TNIK: variants seen among roughly 807,000 people sequenced by gnomAD.
TNIK encodes the protein TRAF2 and NCK-interacting protein kinase.
TNIK carries 49 observed loss-of-function variants against 191.3 expected under a neutral mutation model. The observed-to-expected ratio is 0.26, with a 90% CI of 0.20 to 0.32. TNIK has a LOEUF of 0.32. Ranked by LOEUF, TNIK falls within the 10% of genes least tolerant of loss-of-function variation. The probability of loss-of-function intolerance (pLI) is 1.00; values close to 1 mark genes in which losing one functional copy is unlikely to be tolerated. For synonymous variants in TNIK, 594 were observed against 600.9 expected (o/e 0.99, Z 0.17); for missense variants, 1,155 against 1,702.3 (o/e 0.68, Z 5.66).
intron 1 of TNIK, among the ~76,000 whole-genome samples, chr3:171,431,987 A>C (rs1725442959): frequency 6.6e-6 from 1 of 152,238 alleles, no homozygotes; most frequent in Non-Finnish European, 1.5e-5. Context: ...TATCTTGACA[A>C]CTCAGAAGAA....
intron 23 of TNIK, among the ~76,000 whole-genome samples, chr3:171,090,331 A>G (rs887308289): frequency 2.0e-5 from 3 of 152,054 alleles, no homozygotes; most frequent in African/African-American, 7.2e-5. Context: ...GGTTCCTTCC[A>G]TGAAATACCC....
At chr3:171,101,424 T>A in intron 22 of TNIK, 25 bp downstream of exon 22, 1 of 1,577,912 alleles carries the variant, frequency 6.3e-7, no homozygotes, top group Non-Finnish European at 8.6e-7. Context: ...CCTCCCGGTC[T>A]ACACTTTAAA....
At chr3:171,324,455 G>T (rs1755522919) in intron 2 of TNIK, among the ~76,000 whole-genome samples, 1 of 152,096 alleles carries the variant, frequency 6.6e-6, no homozygotes, top group Non-Finnish European at 1.5e-5. Flanking sequence ...GCTGCTACTA[G>T]GTTTCTGTTA....
chr3:171,079,978 A>G (rs759841669), intron 27 of TNIK, among the ~76,000 whole-genome samples: 22 of 152,216 alleles, frequency 1.4e-4, no homozygotes, highest in Non-Finnish European at 3.2e-4. Flanking sequence ...ACTCTTCAAC[A>G]GAGTGATCAG....
intron 22 of TNIK, among the ~76,000 whole-genome samples, chr3:171,094,415 C>T (rs988276863): frequency 1.3e-5 from 2 of 152,108 alleles, no homozygotes; most frequent in Non-Finnish European, 2.9e-5. Context: ...GGATTATAGG[C>T]GTGAGCCACC....
chr3:171,424,850 G>T lies in TNIK; in HGVS notation c.57+35157C>A, dbSNP rs1171175623. 3.3e-4 allele frequency among the ~76,000 whole-genome samples: 40 copies of T among 122,016 alleles called. No individual in the cohort carries two copies. In the Admixed American group the frequency reaches 3.9e-3, roughly 12 times the overall value. The allele number at this position is 122,016 out of a possible 152,430, so 80.0% of individuals were successfully genotyped here. On this transcript the variant is annotated intron_variant, in intron 1 of 32. Transcript: ENST00000436636. ...GACTGTTGTGGGGTGGGGGGAGGGG[G>T]GAGGGATAGCATTAGGAGATACACC...
chr3:171,403,225 C>T (rs370741267), intron 1 of TNIK, among the ~76,000 whole-genome samples: 5 of 152,118 alleles, frequency 3.3e-5, no homozygotes, highest in Non-Finnish European at 4.4e-5. Context: ...TGGCTAAATA[C>T]GTTAAAGAGA....
intron 28 of TNIK, among the ~76,000 whole-genome samples, chr3:171,076,225 T>C (rs916483620): frequency 1.4e-4 from 22 of 152,124 alleles, no homozygotes; most frequent in African/African-American, 5.3e-4. Context: ...CTTCCTAATA[T>C]TGTGTCAAGG....
chr3:171,412,934 G>C (rs950519325), intron 1 of TNIK, among the ~76,000 whole-genome samples: 3 of 152,184 alleles, frequency 2.0e-5, no homozygotes, highest in African/African-American at 7.2e-5. Context: ...ACAAGAATGG[G>C]AAGGAAACCT....
At chr3:171,388,147 A>G (rs779712846) in intron 1 of TNIK, among the ~76,000 whole-genome samples, 28 of 152,226 alleles carry the variant, frequency 1.8e-4, no homozygotes, top group Admixed American at 5.2e-4. Context: ...TAAAGTACTC[A>G]ATACAAAGAC....
Position 171,423,142 on chromosome 3 carries a change from G to A in TNIK, c.57+36865C>T, listed in dbSNP as rs144197928. On this transcript the variant is annotated intron_variant, in intron 1 of 32. Transcript: ENST00000436636. ...TAAGCAACTTCAGCAAAGTCTCAGG[G>A]TACAAAATCAATGTGCAAAATCACA... Among the ~76,000 whole-genome samples the A allele has an allele frequency of 6.7e-4, 102 of 152,162 alleles. 2 individuals are homozygous for A. The East Asian group carries it at 0.019, about 29-fold the overall frequency.
chr3:171,408,907 T>C (rs1400240418), intron 1 of TNIK, among the ~76,000 whole-genome samples: 1 of 152,124 alleles, frequency 6.6e-6, no homozygotes, highest in Non-Finnish European at 1.5e-5. Flanking sequence ...TCGGTACACC[T>C]CACTCGCAAC....
Position 171,087,472 on chromosome 3 carries a change from T to C in TNIK, c.2756A>G (p.Asp919Gly), listed in dbSNP as rs1451945990. The C allele has an allele frequency of 1.9e-6, 3 of 1,613,868 alleles. No individual in the cohort carries two copies. Among genetic ancestry groups the C allele is most frequent in the Non-Finnish European group, 1.7e-6 (2 of 1,179,862 alleles). The stretch of plus-strand genomic sequence containing the variant: ...GATGTGGCCAGCAAAGCCATTGCTG[T>C]CACTGTGGCCAGATCGCTTCTTCTC... ...SGEKKRSGHS[D>G]SNGFAGHINL... Residue 919 changes from aspartate (D) to glycine (G), a missense_variant, in exon 24 of 33, where the codon GAC becomes GGC. This residue lies in a region of TNIK where 735 missense variants were observed against 848.0 expected (regional missense o/e 0.87). Transcript: ENST00000436636.
chr3:171,120,324 T>C (rs990915439), intron 18 of TNIK, among the ~76,000 whole-genome samples: 4 of 103,406 alleles, frequency 3.9e-5, no homozygotes, highest in Non-Finnish European at 7.2e-5. Context: ...TTTTTCTTTC[T>C]TTTTTTTTTT....
At chr3:171,413,022 G>A (rs1722605187) in intron 1 of TNIK, among the ~76,000 whole-genome samples, 1 of 152,186 alleles carries the variant, frequency 6.6e-6, no homozygotes, top group Admixed American at 6.5e-5. Flanking sequence ...CCTCTCCAGA[G>A]CCTCAACTCC....
At chr3:171,331,010 C>T (rs777698420) in intron 2 of TNIK, among the ~76,000 whole-genome samples, 16 of 152,148 alleles carry the variant, frequency 1.1e-4, no homozygotes, top group Admixed American at 2.6e-4. Context: ...GCCCATTTCG[C>T]TTCTGTGACA....
intron 18 of TNIK, 89 bp downstream of exon 18, chr3:171,123,507 A>C (rs1418094214): frequency 4.4e-6 from 5 of 1,131,998 alleles, no homozygotes; most frequent in Non-Finnish European, 6.1e-6. Context: ...CTCTGAAGAG[A>C]AAAAAGAACA....
chr3:171,317,667 C>T (rs1369594656), intron 2 of TNIK, among the ~76,000 whole-genome samples: 2 of 152,144 alleles, frequency 1.3e-5, no homozygotes, highest in African/African-American at 4.8e-5. Flanking sequence ...GCTCTTTTCA[C>T]CCTTACGAAC....
At chr3:171,141,308 G>A (rs1470949780) in intron 12 of TNIK, among the ~76,000 whole-genome samples, 1 of 152,182 alleles carries the variant, frequency 6.6e-6, no homozygotes, top group Non-Finnish European at 1.5e-5. Flanking sequence ...GAGAGATTAA[G>A]TAATTGTTCA....
Sources: gnomAD v4.1 joint callset for allele counts (sites outside exome capture counted in the v4.1 genomes callset) on GRCh38, gnomAD v4.1.1 for gene constraint, gnomAD v4.1.1 regional missense constraint, MANE v1.5 for transcripts, NCBI Gene and HGNC (gene_info 2026-07-23, HGNC 2026-07-21) for gene names.